FAM227A: variants seen among roughly 807,000 people sequenced by gnomAD.
FAM227A encodes protein FAM227A.
In FAM227A, 80 loss-of-function variants were observed where a neutral mutation model predicts 74.7. That is an observed-to-expected ratio of 1.07 (90% confidence interval 0.89 to 1.29). FAM227A has a LOEUF of 1.29. Ranked by LOEUF, FAM227A falls within the 50% of genes most tolerant of loss-of-function variation. The probability of loss-of-function intolerance (pLI) is 0.00; values close to 1 mark genes in which losing one functional copy is unlikely to be tolerated. For synonymous variants in FAM227A, 237 were observed against 241.8 expected, an observed-to-expected ratio of 0.98 and a Z score of 0.19; for missense variants, 654 against 683.4, an observed-to-expected ratio of 0.96 and a Z score of 0.48.
At chr22:38,640,033 AG>A (rs1363785873) in intron 3 of FAM227A, among the ~76,000 whole-genome samples, 1 of 150,690 alleles carries the variant, frequency 6.6e-6, no homozygotes, top group Non-Finnish European at 1.5e-5. Flanking sequence ...TCTATCTTCC[AG>A]GGTTCTTTTT....
chr22:38,607,397 G>C lies in FAM227A; in HGVS notation c.1118C>G (p.Thr373Ser). 1.3e-6 allele frequency: 2 copies of C among 1,549,960 alleles called. No individual in the cohort carries two copies. Among genetic ancestry groups the C allele is most frequent in the Non-Finnish European group, 1.7e-6 (2 of 1,145,550 alleles). ...NSEKSLRMQN[T>S]AKEHHCQTLV... ...TTTGGTAGTCAATATACCTTTTGCA[G>C]TATTCTGCATTCGTAAGCTTTTTTC... The change falls in exon 12 of 17, where the codon ACT becomes AGT. Residue 373 changes from threonine (T) to serine (S), a missense_variant. Transcript: ENST00000535113.
intron 10 of FAM227A, among the ~76,000 whole-genome samples, chr22:38,621,360 A>G (rs531959656): frequency 3.3e-5 from 5 of 150,724 alleles, no homozygotes; most frequent in African/African-American, 4.9e-5. Flanking sequence ...AAAAAAAAAA[A>G]AAAGAAAGAA....
chr22:38,632,102 G>C (rs2091925375), intron 6 of FAM227A, among the ~76,000 whole-genome samples: 1 of 152,152 alleles, frequency 6.6e-6, no homozygotes, highest in South Asian at 2.1e-4. Context: ...AGGAAAAGCA[G>C]AACGGATGGG....
Position 38,597,326 on chromosome 22 carries a change from G to A in FAM227A, c.1410C>T (p.Ile470=). 1 of 1,551,866 alleles carries A rather than the reference G, an allele frequency of 6.4e-7. No individual in the cohort carries two copies. ...PDCTPTYTDV[I]SETLCSMKKR... Reference sequence around the variant, plus strand: ...TCTTCATGCTGCACAGGGTCTCGCTGATGACATCAGTATACGTTGGGGTGC... The same window carrying A: ...TCTTCATGCTGCACAGGGTCTCGCTAATGACATCAGTATACGTTGGGGTGC... Residue 470 remains isoleucine (I), a synonymous_variant, in exon 15 of 17, where the codon ATC becomes ATT. Coordinates refer to ENST00000535113, the MANE Select transcript of FAM227A (RefSeq NM_001013647.2).
At chr22:38,629,469 C>T (rs1180670869) in intron 6 of FAM227A, among the ~76,000 whole-genome samples, 4 of 152,256 alleles carry the variant, frequency 2.6e-5, no homozygotes, top group African/African-American at 7.2e-5. Flanking sequence ...ATTTAGTGAA[C>T]ACTTCCTGTA....
At chr22:38,602,493 C>A (rs1478245544) in intron 13 of FAM227A, among the ~76,000 whole-genome samples, 1 of 152,032 alleles carries the variant, frequency 6.6e-6, no homozygotes, top group Non-Finnish European at 1.5e-5. Flanking sequence ...CTAATGGAGG[C>A]CATGCTGTGT....
intron 11 of FAM227A, among the ~76,000 whole-genome samples, chr22:38,613,023 T>C (rs1051933186): frequency 2.3e-5 from 3 of 128,448 alleles, no homozygotes; most frequent in African/African-American, 9.1e-5. Context: ...CTACAAAAAT[T>C]CTACAAAGAA....
intron 1 of FAM227A, among the ~76,000 whole-genome samples, chr22:38,655,857 C>T (rs539371540): frequency 1.3e-5 from 2 of 152,260 alleles, no homozygotes; most frequent in Non-Finnish European, 2.9e-5. Flanking sequence ...ACTGGATGCC[C>T]TGATACACCC....
intron 16 of FAM227A, among the ~76,000 whole-genome samples, chr22:38,586,781 G>A (rs2090818905): frequency 6.6e-6 from 1 of 151,996 alleles, no homozygotes; most frequent in Non-Finnish European, 1.5e-5. Context: ...TGATTTTCCT[G>A]CCTCAGCTTC....
intron 3 of FAM227A, among the ~76,000 whole-genome samples, chr22:38,641,336 C>T (rs2092109741): frequency 6.6e-6 from 1 of 152,002 alleles, no homozygotes; most frequent in Non-Finnish European, 1.5e-5. Flanking sequence ...ATTAGAGATG[C>T]TTATTTCCTG....
intron 11 of FAM227A, 147 bp downstream of exon 11, chr22:38,620,065 G>C: frequency 1.6e-6 from 1 of 609,184 alleles, no homozygotes; most frequent in East Asian, 2.8e-5. Context: ...GGCCTCCCAG[G>C]GCTCCTCACT....
intron 11 of FAM227A, among the ~76,000 whole-genome samples, chr22:38,613,095 T>TATATAATTATATATA (rs1491164705): frequency 4.4e-5 from 4 of 91,558 alleles, no homozygotes; most frequent in African/African-American, 1.9e-4. Flanking sequence ...TATATATATA[T>TATATAATTATATATA]TATATATAAT....
chr22:38,579,280 T>A lies in FAM227A; in HGVS notation c.*6845A>T, dbSNP rs1197760741. ...CGGTATCTGAAAACCAAGAATAATA[T>A]CGGCGCTGAGTTGTGAGAATTAAAT... On this transcript the variant is annotated 3_prime_UTR_variant, in exon 17 of 17. Coordinates refer to ENST00000535113, the MANE Select transcript of FAM227A (RefSeq NM_001013647.2). 6.6e-6 allele frequency: 1 copy of A among 152,116 alleles called. No individual in the cohort carries two copies. The highest frequency in any genetic ancestry group is 1.5e-5 in the Non-Finnish European group (1 of 68,028). The allele number at this position is 152,116 out of a possible 1,614,324, so 9.4% of individuals were successfully genotyped here.
intron 11 of FAM227A, among the ~76,000 whole-genome samples, chr22:38,609,835 G>A (rs1005161889): frequency 2.7e-5 from 4 of 150,472 alleles, no homozygotes; most frequent in Admixed American, 2.0e-4. Flanking sequence ...GCAAGGGCGC[G>A]ATCTCAGCTC....
At chr22:38,608,859 G>C (rs545502256) in intron 11 of FAM227A, among the ~76,000 whole-genome samples, 102 of 137,552 alleles carry the variant, frequency 7.4e-4, no homozygotes, top group African/African-American at 2.8e-3. Flanking sequence ...ACAATGGCGT[G>C]ATCTTGGCTC....
chr22:38,594,866 A>AG lies in FAM227A; in HGVS notation c.1532+2337dup, dbSNP rs2091010065. On this transcript the variant is annotated intron_variant, in intron 15 of 16. Transcript: ENST00000535113. ...GTAATCCCAGCACTTTGGGAGGCCGAGGGGGGTGGATCACGAGGTCAGGGG... is the reference window on the plus strand; with the variant it reads ...GTAATCCCAGCACTTTGGGAGGCCGAGGGGGGGTGGATCACGAGGTCAGGGG... Among the ~76,000 whole-genome samples the AG allele has an allele frequency of 3.9e-5, 6 of 152,220 alleles. No homozygotes were observed. The South Asian group carries it at 1.2e-3, about 32-fold the overall frequency.
At chr22:38,634,984 C>T (rs1258935222) in intron 6 of FAM227A, among the ~76,000 whole-genome samples, 1 of 152,136 alleles carries the variant, frequency 6.6e-6, no homozygotes, top group Non-Finnish European at 1.5e-5. Flanking sequence ...CAGTGGCTCA[C>T]ACCTGTAATC....
At position 38,638,737 on chromosome 22, in the gene FAM227A, A is replaced by C. The variant is rs2092053294; in HGVS notation, c.372+9T>G. On this transcript the variant is annotated intron_variant, in intron 5 of 16. Transcript: ENST00000535113. ...CGGTCAGAAACAGACACAGCAGTAG[A>C]TCCCTTACCCTTTTTATAACAGAAG... is the stretch of plus-strand genomic sequence containing the variant. The C allele has an allele frequency of 2.6e-6, 4 of 1,541,868 alleles. No individual in the cohort carries two copies. The highest frequency in any genetic ancestry group is 3.5e-6 in the Non-Finnish European group (4 of 1,138,270).
intron 3 of FAM227A, 23 bp downstream of exon 3, chr22:38,645,540 C>A: frequency 6.5e-7 from 1 of 1,532,972 alleles, no homozygotes. Context: ...AGCTTTGTCT[C>A]AGCTCCAGCA....
Sources: allele counts gnomAD v4.1 joint callset (sites outside exome capture counted in the v4.1 genomes callset), GRCh38; gene constraint gnomAD v4.1.1; transcripts MANE v1.5; gene names NCBI Gene and HGNC (gene_info 2026-07-23, HGNC 2026-07-21).